The following FIGN variants were observed in gnomAD, a reference collection of about 807,000 sequenced individuals.
FIGN encodes the protein fidgetin, microtubule severing factor.
A neutral mutation model predicts 51.3 loss-of-function variants in FIGN; 11 were observed. That is an observed-to-expected ratio of 0.21 (90% CI 0.13 to 0.35). The LOEUF (loss-of-function observed/expected upper bound fraction) is 0.35. Ranked by LOEUF, FIGN falls within the 10% of genes least tolerant of loss-of-function variation. FIGN has a pLI of 1.00. For missense variants in FIGN, 857 were observed against 943.6 expected (o/e 0.91, Z 1.20); for synonymous variants, 407 against 363.2 (o/e 1.12, Z -1.37).
chr2:163,622,138 C>CA, intron 2 of FIGN, among the ~76,000 whole-genome samples: 1 of 152,160 alleles, frequency 6.6e-6, no homozygotes, highest in South Asian at 2.1e-4. Flanking sequence ...ATAAACAGGG[C>CA]TTACTTTGTC....
chr2:163,713,859 GA>G (rs1489378753), intron 2 of FIGN, among the ~76,000 whole-genome samples: 5 of 152,128 alleles, frequency 3.3e-5, no homozygotes, highest in African/African-American at 1.2e-4. Flanking sequence ...GGGGAAAAAA[GA>G]AAATTAAGAA....
At chr2:163,667,226 T>A (rs1021608875) in intron 2 of FIGN, among the ~76,000 whole-genome samples, 5 of 151,780 alleles carry the variant, frequency 3.3e-5, no homozygotes, top group Non-Finnish European at 7.4e-5. Context: ...ATTCTTTCTT[T>A]ATCCCCAACA....
intron 2 of FIGN, among the ~76,000 whole-genome samples, chr2:163,709,670 A>T (rs1253072287): frequency 6.6e-6 from 1 of 152,160 alleles, no homozygotes; most frequent in African/African-American, 2.4e-5. Flanking sequence ...CTCAGATTCC[A>T]TTACCCGAGA....
chr2:163,674,391 C>T (rs952427860), intron 2 of FIGN, among the ~76,000 whole-genome samples: 2 of 152,196 alleles, frequency 1.3e-5, no homozygotes, highest in African/African-American at 4.8e-5. Flanking sequence ...CTATTTGCAG[C>T]TTTCTAGAAA....
At chr2:163,716,616 T>C (rs951531922) in intron 2 of FIGN, among the ~76,000 whole-genome samples, 2 of 152,180 alleles carry the variant, frequency 1.3e-5, no homozygotes, top group African/African-American at 4.8e-5. Flanking sequence ...AAAGATAATG[T>C]TCATTTCTAA....
chr2:163,716,860 C>T lies in FIGN; in HGVS notation c.25+18043G>A, dbSNP rs565011117. Among the ~76,000 whole-genome samples, 5 of 150,860 alleles carry T rather than the reference C, an allele frequency of 3.3e-5. No homozygotes were observed. In the East Asian group the frequency reaches 9.6e-4, roughly 29 times the overall value. On this transcript the variant is annotated intron_variant, in intron 2 of 2. Coordinates refer to ENST00000333129, the MANE Select transcript of FIGN (RefSeq NM_018086.4). ...AAATTTATCCTAAAGCAAGTGACCTCTTACACATGCTGAAGAAATACAGCA... is the reference window on the plus strand; with the variant it reads ...AAATTTATCCTAAAGCAAGTGACCTTTTACACATGCTGAAGAAATACAGCA...
At chr2:163,684,675 C>G (rs759789189) in intron 2 of FIGN, among the ~76,000 whole-genome samples, 4 of 152,162 alleles carry the variant, frequency 2.6e-5, no homozygotes, top group Non-Finnish European at 5.9e-5. Flanking sequence ...CTCTATGAAC[C>G]ACAGGGCTTT....
chr2:163,713,166 C>A (rs1045175395), intron 2 of FIGN, among the ~76,000 whole-genome samples: 1 of 152,254 alleles, frequency 6.6e-6, no homozygotes, highest in East Asian at 1.9e-4. Context: ...AACTGTTACA[C>A]CAATTTTGCA....
chr2:163,683,054 T>A (rs1405971472), intron 2 of FIGN, among the ~76,000 whole-genome samples: 2 of 152,156 alleles, frequency 1.3e-5, no homozygotes, highest in African/African-American at 4.8e-5. Flanking sequence ...GAAACCAGAC[T>A]GGATTTGGTC....
In FIGN at chr2:163,697,668, C is replaced by A. The variant is rs143274506; in HGVS notation, c.25+37235G>T. Among the ~76,000 whole-genome samples the A allele has an allele frequency of 3.3e-3, 509 of 152,206 alleles. 3 individuals are homozygous for A. Among genetic ancestry groups the A allele is most frequent in the African/African-American group, 0.012 (490 of 41,536 alleles). On this transcript the variant is annotated intron_variant, in intron 2 of 2. Coordinates refer to ENST00000333129, the MANE Select transcript of FIGN (RefSeq NM_018086.4). ...AGGAGGTCAAGAGCCTTTGAAATCC[C>A]GCAGCTTTGGGTCTAGAGGGTAGTT...
At chr2:163,627,709 C>T (rs1283334492) in intron 2 of FIGN, among the ~76,000 whole-genome samples, 1 of 152,108 alleles carries the variant, frequency 6.6e-6, no homozygotes, top group Non-Finnish European at 1.5e-5. Context: ...TCATCACTTG[C>T]CATATTCCTG....
intron 2 of FIGN, among the ~76,000 whole-genome samples, chr2:163,714,886 C>T (rs1248600336): frequency 6.6e-6 from 1 of 152,204 alleles, no homozygotes; most frequent in Admixed American, 6.5e-5. Flanking sequence ...CCAAATTAAA[C>T]ATTTATGCAT....
chr2:163,690,860 G>C (rs1226612740), intron 2 of FIGN, among the ~76,000 whole-genome samples: 2 of 151,804 alleles, frequency 1.3e-5, no homozygotes, highest in African/African-American at 4.8e-5. Flanking sequence ...TGTTGGGGTG[G>C]GGGGCATTCT....
At chr2:163,639,143 C>T (rs1683269616) in intron 2 of FIGN, among the ~76,000 whole-genome samples, 1 of 152,020 alleles carries the variant, frequency 6.6e-6, no homozygotes, top group Non-Finnish European at 1.5e-5. Context: ...TTTTTCAATG[C>T]TCTTTACCTG....
chr2:163,725,481 A>G (rs1531360), intron 2 of FIGN, among the ~76,000 whole-genome samples: 29,695 of 151,932 alleles, frequency 0.2, 3,174 homozygotes, highest in East Asian at 0.37. Flanking sequence ...GTGCATTCCA[A>G]TCATATATCA....
intron 2 of FIGN, among the ~76,000 whole-genome samples, chr2:163,711,751 T>C (rs1053304588): frequency 6.6e-6 from 1 of 152,082 alleles, no homozygotes; most frequent in Non-Finnish European, 1.5e-5. Flanking sequence ...CAGATACTAT[T>C]TCTACTTCCA....
intron 2 of FIGN, among the ~76,000 whole-genome samples, chr2:163,663,478 G>T (rs1434149873): frequency 1.3e-5 from 2 of 151,594 alleles, no homozygotes; most frequent in Non-Finnish European, 2.9e-5. Flanking sequence ...AGGAATACAG[G>T]TGCCCACCGC....
chr2:163,673,014 A>G (rs1383826684), intron 2 of FIGN, among the ~76,000 whole-genome samples: 2 of 152,324 alleles, frequency 1.3e-5, no homozygotes, highest in South Asian at 2.1e-4. Context: ...ATGCCAGTGC[A>G]TATCTCGTTA....
intron 2 of FIGN, among the ~76,000 whole-genome samples, chr2:163,708,669 G>A (rs145842904): frequency 3.9e-5 from 6 of 152,138 alleles, no homozygotes; most frequent in East Asian, 3.9e-4. Context: ...TAGTCTTATC[G>A]ATTTTTATTC....
Sources: gnomAD v4.1 joint callset for allele counts (sites outside exome capture counted in the v4.1 genomes callset) on GRCh38, gnomAD v4.1.1 for gene constraint, MANE v1.5 for transcripts, NCBI Gene and HGNC (gene_info 2026-07-23, HGNC 2026-07-21) for gene names.